The following CAMK1D variants were observed in gnomAD, a reference collection of about 807,000 sequenced individuals.
CAMK1D encodes calcium/calmodulin dependent protein kinase ID, also known as calcium/calmodulin-dependent protein kinase type 1D.
Under a neutral mutation model 47.7 loss-of-function variants are expected in CAMK1D, and 9 were observed. That is an observed-to-expected ratio of 0.19 (90% CI 0.11 to 0.33). CAMK1D has a LOEUF of 0.33. Ranked by LOEUF, CAMK1D falls within the 10% of genes least tolerant of loss-of-function variation. CAMK1D has a pLI of 1.00. For missense variants in CAMK1D, 291 were observed against 488.7 expected, an observed-to-expected ratio of 0.60 and a Z score of 3.81; for synonymous variants, 184 against 184.9, an observed-to-expected ratio of 0.99 and a Z score of 0.04.
At chr10:12,382,348 G>T (rs1032802253) in intron 1 of CAMK1D, among the ~76,000 whole-genome samples, 2 of 151,760 alleles carry the variant, frequency 1.3e-5, no homozygotes, top group African/African-American at 2.4e-5. Flanking sequence ...AATCCTTATG[G>T]TATGCATCAC....
At chr10:12,815,281 G>A (rs1832750498) in intron 7 of CAMK1D, among the ~76,000 whole-genome samples, 1 of 152,206 alleles carries the variant, frequency 6.6e-6, no homozygotes, top group African/African-American at 2.4e-5. Context: ...TCGCTGGTAA[G>A]ATGAGGCAGG....
intron 3 of CAMK1D, among the ~76,000 whole-genome samples, chr10:12,743,690 A>G (rs1177091856): frequency 6.6e-6 from 1 of 152,166 alleles, no homozygotes; most frequent in Admixed American, 6.5e-5. Flanking sequence ...TTTCCTTCCC[A>G]GCATCTGGCA....
intron 1 of CAMK1D, among the ~76,000 whole-genome samples, chr10:12,376,607 T>C (rs748354266): frequency 5.3e-5 from 8 of 152,132 alleles, no homozygotes; most frequent in Non-Finnish European, 7.4e-5. Context: ...TGAGGTCCGG[T>C]GGAGGCCTTG....
intron 2 of CAMK1D, among the ~76,000 whole-genome samples, chr10:12,559,854 G>A (rs1357978678): frequency 1.3e-5 from 2 of 152,116 alleles, no homozygotes; most frequent in African/African-American, 2.4e-5. Context: ...AGAGGGTGAG[G>A]ACTGCTAAAG....
At chr10:12,570,001 A>T (rs908522412) in intron 2 of CAMK1D, among the ~76,000 whole-genome samples, 8 of 152,058 alleles carry the variant, frequency 5.3e-5, no homozygotes, top group African/African-American at 1.9e-4. Context: ...GGAGTTTGAG[A>T]CCAGCCTGAC....
intron 3 of CAMK1D, among the ~76,000 whole-genome samples, chr10:12,730,850 G>T (rs1221777371): frequency 2.0e-5 from 3 of 152,186 alleles, no homozygotes; most frequent in Non-Finnish European, 4.4e-5. Context: ...CATGATACTG[G>T]TGATTCTGAC....
intron 3 of CAMK1D, among the ~76,000 whole-genome samples, chr10:12,691,707 T>C (rs560456133): frequency 5.3e-5 from 8 of 152,042 alleles, no homozygotes; most frequent in Admixed American, 4.6e-4. Flanking sequence ...CGCCTCGGCC[T>C]CCCAACGTGC....
chr10:12,387,936 A>G (rs987536740), intron 1 of CAMK1D, among the ~76,000 whole-genome samples: 2 of 152,146 alleles, frequency 1.3e-5, no homozygotes, highest in Non-Finnish European at 2.9e-5. Context: ...ACCAATGCTT[A>G]GTTGCTGTCA....
chr10:12,635,782 C>T (rs1202859346), intron 2 of CAMK1D, among the ~76,000 whole-genome samples: 1 of 141,634 alleles, frequency 7.1e-6, no homozygotes, highest in Non-Finnish European at 1.6e-5. Context: ...TTCTTCCTTC[C>T]CTTCTAAAAA....
At chr10:12,419,697 A>G (rs1839984557) in intron 1 of CAMK1D, among the ~76,000 whole-genome samples, 1 of 151,168 alleles carries the variant, frequency 6.6e-6, no homozygotes. Flanking sequence ...GTTAACTTCT[A>G]GGTTGCAGAA....
In CAMK1D at chr10:12,747,045, C is replaced by T. The variant is rs202130066; in HGVS notation, c.300-13903C>T. Among the ~76,000 whole-genome samples, 10 of 137,220 alleles carry T rather than the reference C, an allele frequency of 7.3e-5. No homozygotes were observed. In the East Asian group the frequency reaches 1.9e-3, roughly 26 times the overall value. The allele number at this position is 137,220 out of a possible 152,430, so 90.0% of individuals were successfully genotyped here. On this transcript the variant is annotated intron_variant, in intron 3 of 10. Coordinates refer to ENST00000619168, the MANE Select transcript of CAMK1D (RefSeq NM_153498.4). ...TAATTCTTTTTGTTTGTTTGTTTGT[C>T]TTTTGAGATGGAGTCCTGCTCTGTT...
chr10:12,483,671 A>T (rs559952891), intron 1 of CAMK1D, among the ~76,000 whole-genome samples: 2 of 151,778 alleles, frequency 1.3e-5, no homozygotes, highest in South Asian at 4.2e-4. Context: ...GCCTCTAAAA[A>T]AAGAGATCCA....
At chr10:12,665,466 C>G (rs1416959740) in intron 2 of CAMK1D, among the ~76,000 whole-genome samples, 1 of 152,198 alleles carries the variant, frequency 6.6e-6, no homozygotes, top group East Asian at 1.9e-4. Context: ...ATTCAGCAAG[C>G]ATTTATTCAG....
chr10:12,749,566 G>GTT (rs796640778), intron 3 of CAMK1D, among the ~76,000 whole-genome samples: 10,678 of 118,656 alleles, frequency 0.09, 535 homozygotes, highest in Non-Finnish European at 0.12. Flanking sequence ...TTGTTTGTTT[G>GTT]TTTGTTTGTT....
intron 1 of CAMK1D, among the ~76,000 whole-genome samples, chr10:12,502,937 C>T (rs1210648719): frequency 3.3e-5 from 5 of 152,234 alleles, no homozygotes; most frequent in East Asian, 1.9e-4. Context: ...GCAATGGTGG[C>T]GTCTCCACGT....
At chr10:12,427,785 G>A (rs71492253) in intron 1 of CAMK1D, among the ~76,000 whole-genome samples, 1 of 127,850 alleles carries the variant, frequency 7.8e-6, no homozygotes, top group Non-Finnish European at 1.6e-5. Flanking sequence ...TTGGCTCACC[G>A]CAACCTTTTC....
At chr10:12,421,330 T>C (rs1840041026) in intron 1 of CAMK1D, among the ~76,000 whole-genome samples, 1 of 152,062 alleles carries the variant, frequency 6.6e-6, no homozygotes, top group Admixed American at 6.6e-5. Context: ...ACAGTGTGTG[T>C]GGGCAGGACA....
At chr10:12,403,540 A>G (rs11257772) in intron 1 of CAMK1D, among the ~76,000 whole-genome samples, 13,151 of 152,246 alleles carry the variant, frequency 0.086, 711 homozygotes, top group East Asian at 0.14. Flanking sequence ...CAGCTATTCT[A>G]TAAAGACTCA....
intron 8 of CAMK1D, among the ~76,000 whole-genome samples, chr10:12,818,517 A>G (rs1255635363): frequency 6.6e-6 from 1 of 152,070 alleles, no homozygotes; most frequent in Admixed American, 6.5e-5. Flanking sequence ...CTAAAAATAC[A>G]AAAATTAGCC....
Sources: gnomAD v4.1 joint callset for allele counts (sites outside exome capture counted in the v4.1 genomes callset) on GRCh38, gnomAD v4.1.1 for gene constraint, MANE v1.5 for transcripts, NCBI Gene and HGNC (gene_info 2026-07-23, HGNC 2026-07-21) for gene names.